Variants in CFTR observed in about 807,000 individuals in gnomAD.
The protein encoded by CFTR is cystic fibrosis transmembrane conductance regulator.
A neutral mutation model predicts 171.6 loss-of-function variants in CFTR; 181 were observed. The observed-to-expected ratio is 1.05, with a 90% CI of 0.93 to 1.19. The LOEUF (loss-of-function observed/expected upper bound fraction) is 1.19. Ranked by LOEUF, CFTR falls within the 50% of genes most tolerant of loss-of-function variation. CFTR has a pLI of 0.00. For missense variants in CFTR, 1,968 were observed against 1,734.7 expected (o/e 1.13, Z -2.39); for synonymous variants, 583 against 608.0 (o/e 0.96, Z 0.60).
chr7:117,653,063 A>G lies in CFTR; in HGVS notation c.3963+132A>G. 3 of 706,136 alleles carry G rather than the reference A, an allele frequency of 4.2e-6. No homozygotes were observed. The South Asian group carries it at 4.6e-5, about 11-fold the overall frequency. 43.7% of individuals were successfully genotyped at this position (706,136 alleles called of 1,614,324 possible). A position where few individuals can be genotyped will look rare whatever the true frequency, so the allele number is the denominator to read the frequency against. ...CACAACTTTAAAATGGAGTACCCTA[A>G]CATACCTGGAGCAACAGGTACTTTT... On this transcript the variant is annotated intron_variant, in intron 24 of 26. Transcript: ENST00000003084.
chr7:117,660,618 A>G (rs1739272336), intron 24 of CFTR, among the ~76,000 whole-genome samples: 1 of 152,032 alleles, frequency 6.6e-6, no homozygotes, highest in African/African-American at 2.4e-5. Flanking sequence ...CAATAGAGCA[A>G]GATTCTGTCT....
rs143954792 is a variant in CFTR at position 117,592,591 on chromosome 7, T to C, written c.2424T>C (p.Tyr808=). 41 of 1,526,440 alleles carry C rather than the reference T, an allele frequency of 2.7e-5. No homozygotes were observed. In the African/African-American group the frequency reaches 5.7e-4, roughly 21 times the overall value. The allele number at this position is 1,526,440 out of a possible 1,614,324, so 94.6% of individuals were successfully genotyped here. Residue 808 remains tyrosine (Y), a synonymous_variant, in exon 14 of 27, where the codon TAT becomes TAC. Coordinates refer to ENST00000003084, the MANE Select transcript of CFTR (RefSeq NM_000492.4). The stretch of plus-strand genomic sequence containing the variant: ...CAAACTTGACTGAACTGGATATATA[T>C]TCAAGAAGGTTATCTCAAGAAACTG... ...PQANLTELDI[Y]SRRLSQETGL...
chr7:117,568,179 G>A (rs1256423707), intron 11 of CFTR, among the ~76,000 whole-genome samples: 3 of 152,284 alleles, frequency 2.0e-5, no homozygotes, highest in Non-Finnish European at 2.9e-5. Context: ...GTTGGAGTCT[G>A]GAAAGAAAGG....
chr7:117,513,989 C>T (rs1434111648), intron 3 of CFTR, among the ~76,000 whole-genome samples: 2 of 152,136 alleles, frequency 1.3e-5, no homozygotes, highest in Admixed American at 6.6e-5. Flanking sequence ...TTTAATTGGT[C>T]TGGGATAAAA....
At chr7:117,623,267 CTACGGAAGTG>C (rs1792607214) in intron 21 of CFTR, among the ~76,000 whole-genome samples, 1 of 152,200 alleles carries the variant, frequency 6.6e-6, no homozygotes, top group Non-Finnish European at 1.5e-5. Flanking sequence ...AAAAGTGCTC[CTACGGAAGTG>C]GGTGTTGGCT....
Position 117,540,113 on chromosome 7 carries a change from C to G in CFTR, c.883C>G (p.Leu295Val). The change falls in exon 8 of 27, where the codon CTG (leucine) becomes GTG (valine). Residue 295 changes from leucine (L) to valine (V), a missense_variant. Physicochemically the swap from Leu to Val is conservative, Grantham distance 32 (BLOSUM62 1). Coordinates refer to ENST00000003084, the MANE Select transcript of CFTR (RefSeq NM_000492.4). The part of the protein sequence containing the change: ...IENLRQTELK[L>V]TRKAAYVRYF... ...TGTTTTTTATAGAACAGAACTGAAA[C>G]TGACTCGGAAGGCAGCCTATGTGAG... The G allele has an allele frequency of 6.2e-7, 1 of 1,612,866 alleles. No individual in the cohort carries two copies.
chr7:117,504,138 T>C (rs766392827), intron 1 of CFTR, 115 bp from the exon 2 acceptor site: 5 of 717,344 alleles, frequency 7.0e-6, no homozygotes, highest in Non-Finnish European at 1.3e-5. Flanking sequence ...TATTTTATTC[T>C]CATATTTACA....
chr7:117,590,677 C>A (rs1226144924), intron 13 of CFTR, among the ~76,000 whole-genome samples: 1 of 152,058 alleles, frequency 6.6e-6, no homozygotes, highest in Non-Finnish European at 1.5e-5. Flanking sequence ...CATTGCTATA[C>A]TGTTATAGCA....
At chr7:117,570,296 C>T (rs912629060) in intron 11 of CFTR, among the ~76,000 whole-genome samples, 6 of 151,890 alleles carry the variant, frequency 4.0e-5, no homozygotes, top group East Asian at 1.9e-4. Context: ...ATGTAACCAG[C>T]GAAATCCAAT....
intron 23 of CFTR, among the ~76,000 whole-genome samples, chr7:117,644,779 T>C (rs1005015759): frequency 1.3e-5 from 2 of 152,136 alleles, no homozygotes; most frequent in African/African-American, 4.8e-5. Flanking sequence ...TGGAAGACTA[T>C]TGTGTAAATT....
intron 11 of CFTR, among the ~76,000 whole-genome samples, chr7:117,566,905 G>A (rs1791611463): frequency 6.6e-6 from 1 of 152,176 alleles, no homozygotes; most frequent in African/African-American, 2.4e-5. Flanking sequence ...CAAATTACTA[G>A]CTTAACAAAT....
intron 7 of CFTR, among the ~76,000 whole-genome samples, chr7:117,537,623 G>A (rs138045532): frequency 6.6e-6 from 1 of 152,268 alleles, no homozygotes; most frequent in East Asian, 1.9e-4. Context: ...CTGAGCTGCA[G>A]GTGTGTGATT....
chr7:117,508,914 A>G (rs552164764), intron 2 of CFTR, 120 bp from the exon 3 acceptor site: 15 of 741,790 alleles, frequency 2.0e-5, no homozygotes, highest in Admixed American at 9.8e-5. Flanking sequence ...TTTTGTCTCT[A>G]TAATACTTGG....
intron 13 of CFTR, 47 bp from the exon 14 acceptor site, chr7:117,591,887 A>G: frequency 1.6e-6 from 2 of 1,214,922 alleles, no homozygotes; most frequent in Non-Finnish European, 2.3e-6. Context: ...ACATATTGCA[A>G]TAAAGTATTT....
chr7:117,667,478 T>A lies in CFTR; in HGVS notation c.*370T>A, dbSNP rs542828566. The A allele has an allele frequency of 2.9e-6, 1 of 343,622 alleles. No homozygotes were observed. The highest frequency in any genetic ancestry group is 2.4e-5 in the South Asian group (1 of 41,880). The allele number at this position is 343,622 out of a possible 1,614,324, so 21.3% of individuals were successfully genotyped here. On this transcript the variant is annotated 3_prime_UTR_variant, in exon 27 of 27. Coordinates refer to ENST00000003084, the MANE Select transcript of CFTR (RefSeq NM_000492.4). Reference sequence around the variant, plus strand: ...TATTGTCTAGTGAAACTCGTTAATTTGTAGTGTTGGAGAAGAACTGAAATC... The same window carrying A: ...TATTGTCTAGTGAAACTCGTTAATTAGTAGTGTTGGAGAAGAACTGAAATC...
At chr7:117,639,034 A>G (rs976592843) in intron 22 of CFTR, among the ~76,000 whole-genome samples, 1 of 152,164 alleles carries the variant, frequency 6.6e-6, no homozygotes, top group Non-Finnish European at 1.5e-5. Flanking sequence ...TTAGGACTTA[A>G]GTGGGCATCT....
intron 24 of CFTR, among the ~76,000 whole-genome samples, chr7:117,654,082 G>T (rs1424874260): frequency 2.0e-5 from 3 of 152,202 alleles, no homozygotes; most frequent in African/African-American, 7.2e-5. Flanking sequence ...ACACACTGGG[G>T]TGGAGGCTCT....
rs1256402047 is a variant in CFTR at position 117,486,239 on chromosome 7, G to T, written c.53+6092G>T. ...TAGCCAGAAAACTCTCCCATAGCTTGCTCCAAGGAGCTGAGATACAGCAGT... is the reference window on the plus strand; with the variant it reads ...TAGCCAGAAAACTCTCCCATAGCTTTCTCCAAGGAGCTGAGATACAGCAGT... On this transcript the variant is annotated intron_variant, in intron 1 of 26. Transcript: ENST00000003084. 2.0e-5 allele frequency among the ~76,000 whole-genome samples: 3 copies of T among 152,142 alleles called. 1 individual carries two copies. Among genetic ancestry groups the T allele is most frequent in the African/African-American group, 7.2e-5 (3 of 41,444 alleles).
At chr7:117,595,533 G>A (rs993416763) in intron 15 of CFTR, among the ~76,000 whole-genome samples, 5 of 151,146 alleles carry the variant, frequency 3.3e-5, no homozygotes, top group Admixed American at 6.6e-5. Context: ...GTTTTTAATA[G>A]ATTTTATAAT....
Sources: gnomAD v4.1 joint callset for allele counts (sites outside exome capture counted in the v4.1 genomes callset) on GRCh38, gnomAD v4.1.1 for gene constraint, MANE v1.5 for transcripts, NCBI Gene and HGNC (gene_info 2026-07-23, HGNC 2026-07-21) for gene names.